Variants in NCOR1 observed in about 807,000 individuals in gnomAD.
The protein encoded by NCOR1 is protein phosphatase 1, regulatory subunit 109.
NCOR1 carries 63 observed loss-of-function variants against 288.1 expected under a neutral mutation model. The observed-to-expected ratio is 0.22, with a 90% CI of 0.18 to 0.27. NCOR1 has a LOEUF of 0.27. NCOR1 is among the 10% of genes least tolerant of loss of function. NCOR1 has a pLI of 1.00. For synonymous variants in NCOR1, 1,007 were observed against 1,065.9 expected (o/e 0.94, Z 1.08); for missense variants, 2,397 against 3,019.2 (o/e 0.79, Z 4.83).
chr17:16,050,928 G>A (rs955422068), intron 40 of NCOR1, among the ~76,000 whole-genome samples: 5 of 152,004 alleles, frequency 3.3e-5, no homozygotes, highest in African/African-American at 4.8e-5. Flanking sequence ...CAACTTCTGC[G>A]CTCACGTGAT....
At chr17:16,206,809 C>T (rs2091565671) in intron 1 of NCOR1, among the ~76,000 whole-genome samples, 1 of 151,760 alleles carries the variant, frequency 6.6e-6, no homozygotes, top group African/African-American at 2.4e-5. Context: ...CATTATGATC[C>T]CATAATATAG....
chr17:16,139,036 C>A lies in NCOR1; in HGVS notation c.1324G>T (p.Asp442Tyr). The change falls in exon 12 of 46, where the codon GAC becomes TAC. Residue 442 changes from aspartate (D) to tyrosine (Y), a missense_variant. Asp to Tyr is a radical substitution (Grantham distance 160). Around this residue, in one of 11 missense-constraint regions of NCOR1, gnomAD observed 80 missense variants for 100.3 expected, o/e 0.80. Coordinates refer to ENST00000268712, the MANE Select transcript of NCOR1 (RefSeq NM_006311.4). ...TCCTTAAAGATCTCCTTTTCATGGT[C>A]AGTCCAAACATTCATAAACTGCCTA... ...KDRQFMNVWT[D>Y]HEKEIFKDKF... 6.3e-7 allele frequency: 1 copy of A among 1,584,572 alleles called. No individual in the cohort carries two copies. Among genetic ancestry groups the A allele is most frequent in the South Asian group, 1.2e-5 (1 of 86,370 alleles).
rs539735993 is a variant in NCOR1, at chr17:16,147,546, A to G, written c.910-998T>C. ...CCATTATGGACAAAGAACTGTCAACATATCTGATGACACATGGACAGAGGA... is the reference window on the plus strand; with the variant it reads ...CCATTATGGACAAAGAACTGTCAACGTATCTGATGACACATGGACAGAGGA... On this transcript the variant is annotated intron_variant, in intron 9 of 45. Coordinates refer to ENST00000268712, the MANE Select transcript of NCOR1 (RefSeq NM_006311.4). Among the ~76,000 whole-genome samples the G allele has an allele frequency of 5.3e-5, 8 of 152,370 alleles. No individual in the cohort carries two copies. In the East Asian group the frequency reaches 1.5e-3, roughly 29 times the overall value.
At chr17:16,070,603 T>C (rs1028872694) in intron 30 of NCOR1, 78 bp from the exon 31 acceptor site, 73 of 1,541,660 alleles carry the variant, frequency 4.7e-5, no homozygotes, top group South Asian at 7.6e-5. Flanking sequence ...GTCTGGCCCA[T>C]GGCAGTTACA....
In NCOR1 at chr17:16,064,107, G is replaced by A. The variant is rs766158799; in HGVS notation, c.5182C>T (p.Arg1728Trp). The A allele has an allele frequency of 1.7e-5, 27 of 1,614,122 alleles. No homozygotes were observed. Among genetic ancestry groups the A allele is most frequent in the Non-Finnish European group, 2.1e-5 (25 of 1,180,004 alleles). The change falls in exon 35 of 46, where the codon CGG becomes TGG. Residue 1728 changes from arginine to tryptophan, a missense_variant. Arg to Trp is a moderately radical substitution (Grantham distance 101, BLOSUM62 -3). This residue lies in a region of NCOR1 where 1,872 missense variants were observed against 2,187.8 expected (regional missense o/e 0.86). Transcript: ENST00000268712. ...REREKERERE[R>W]IAAASSDLYL... is the part of the protein sequence containing the mutation. Reference sequence around the variant, plus strand: ...AGGTCGGAGGAAGCTGCAGCAATCCGTTCCCGCTCCCGCTCCTTCTCCCGC... The same window carrying A: ...AGGTCGGAGGAAGCTGCAGCAATCCATTCCCGCTCCCGCTCCTTCTCCCGC...
chr17:16,127,248 T>C (rs901205327), intron 14 of NCOR1, among the ~76,000 whole-genome samples: 10 of 129,764 alleles, frequency 7.7e-5, no homozygotes, highest in African/African-American at 2.8e-4. Context: ...TATATGTATG[T>C]ATATATGTGT....
At chr17:16,061,304 T>C in intron 37 of NCOR1, 97 bp downstream of exon 37, 1 of 1,416,094 alleles carries the variant, frequency 7.1e-7, no homozygotes, top group Non-Finnish European at 9.5e-7. Context: ...TATCAACCGT[T>C]AGGATTTTTA....
intron 5 of NCOR1, among the ~76,000 whole-genome samples, chr17:16,161,996 G>T (rs2080940501): frequency 6.6e-6 from 1 of 151,798 alleles, no homozygotes; most frequent in African/African-American, 2.4e-5. Context: ...ACAAAAGAAA[G>T]AAAAGAAAAG....
intron 42 of NCOR1, among the ~76,000 whole-genome samples, chr17:16,043,730 T>A (rs1475800096): frequency 6.6e-6 from 1 of 152,206 alleles, no homozygotes; most frequent in Admixed American, 6.5e-5. Context: ...CTGAGATCTC[T>A]AGCTCTCCGT....
chr17:16,098,591 A>C, intron 20 of NCOR1, 95 bp from the exon 21 acceptor site: 2 of 1,035,368 alleles, frequency 1.9e-6, no homozygotes, highest in Non-Finnish European at 2.8e-6. Flanking sequence ...ATGTACATAC[A>C]CATGCACACA....
intron 32 of NCOR1, among the ~76,000 whole-genome samples, chr17:16,066,528 T>C (rs1471129798): frequency 1.3e-5 from 2 of 152,190 alleles, no homozygotes; most frequent in Non-Finnish European, 2.9e-5. Flanking sequence ...TGATAAACAC[T>C]AAATAGAAAC....
Position 16,091,850 on chromosome 17 carries a change from T to C in NCOR1, c.3016+13A>G, listed in dbSNP as rs746078078. On this transcript the variant is annotated intron_variant, in intron 22 of 45. Transcript: ENST00000268712. The stretch of plus-strand genomic sequence containing the variant: ...TCATAAAAGTTCTCTTGGTGATAGC[T>C]CTATCTACCTACCTTCCCACTCTCT... 6.2e-7 allele frequency: 1 copy of C among 1,613,930 alleles called. No homozygotes were observed. Among genetic ancestry groups the C allele is most frequent in the East Asian group, 2.2e-5 (1 of 44,882 alleles).
intron 14 of NCOR1, among the ~76,000 whole-genome samples, chr17:16,133,505 G>A (rs907624422): frequency 1.2e-4 from 19 of 152,274 alleles, no homozygotes; most frequent in African/African-American, 4.6e-4. Context: ...AAATTAGTTG[G>A]ATCTCTGTAT....
intron 26 of NCOR1, among the ~76,000 whole-genome samples, 172 bp from the exon 27 acceptor site, chr17:16,075,874 T>TCC (rs1402355960): frequency 6.6e-6 from 1 of 152,202 alleles, no homozygotes; most frequent in Non-Finnish European, 1.5e-5. Flanking sequence ...CATGAAGACA[T>TCC]CCTGTACCTT....
At chr17:16,092,146 A>G in intron 21 of NCOR1, 88 bp from the exon 22 acceptor site, 1 of 1,436,926 alleles carries the variant, frequency 7.0e-7, no homozygotes, top group East Asian at 2.3e-5. Flanking sequence ...TATTTCTGTC[A>G]TGTTATTGGT....
rs754227924 is a variant in NCOR1 at position 16,057,784 on chromosome 17, CA to C, written c.6169-48del. The C allele has an allele frequency of 5.5e-3, 7,127 of 1,298,186 alleles. 2 individuals carry two copies. The highest frequency in any genetic ancestry group is 8.6e-3 in the South Asian group (565 of 65,368). 80.4% of individuals were successfully genotyped at this position (1,298,186 alleles called of 1,614,324 possible). On this transcript the variant is annotated intron_variant, in intron 39 of 45. Coordinates refer to ENST00000268712, the MANE Select transcript of NCOR1 (RefSeq NM_006311.4). The stretch of plus-strand genomic sequence containing the variant: ...AGTGGTAAAATTCATTGAGTACTTG[CA>C]AAAAAAAAATAGTATTAAGAAATCT...
chr17:16,200,651 T>C (rs1437104895), intron 1 of NCOR1, among the ~76,000 whole-genome samples: 1 of 152,052 alleles, frequency 6.6e-6, no homozygotes, highest in Admixed American at 6.6e-5. Context: ...CCACAAAATA[T>C]GTAATTTTTA....
At chr17:16,186,741 T>C in intron 2 of NCOR1, 54 bp from the exon 3 acceptor site, 1 of 1,561,324 alleles carries the variant, frequency 6.4e-7, no homozygotes, top group Non-Finnish European at 8.8e-7. Flanking sequence ...AACAACATCA[T>C]GAAATCAAAG....
At chr17:16,212,661 C>A (rs568900883) in intron 1 of NCOR1, among the ~76,000 whole-genome samples, 2 of 152,258 alleles carry the variant, frequency 1.3e-5, no homozygotes, top group East Asian at 3.9e-4. Flanking sequence ...TTTTAAAAAA[C>A]AAACAGCCTG....
Sources: gnomAD v4.1 joint callset for allele counts (sites outside exome capture counted in the v4.1 genomes callset) on GRCh38, gnomAD v4.1.1 for gene constraint, gnomAD v4.1.1 regional missense constraint, MANE v1.5 for transcripts, NCBI Gene and HGNC (gene_info 2026-07-23, HGNC 2026-07-21) for gene names.